Variants in BTF3L4 observed in about 807,000 individuals in gnomAD.
The protein encoded by BTF3L4 is transcription factor BTF3 homolog 4.
In BTF3L4, 6 loss-of-function variants were observed where a neutral mutation model predicts 16.8. The ratio of observed to expected loss-of-function variants is 0.36; its 90% CI spans 0.20 to 0.71. BTF3L4 has a LOEUF of 0.71. Ranked by LOEUF, BTF3L4 falls within the 30% of genes least tolerant of loss-of-function variation. The pLI, the probability that BTF3L4 is intolerant of heterozygous loss-of-function variation, is 0.58. For missense variants in BTF3L4, 92 were observed against 186.9 expected (o/e 0.49, Z 2.96); for synonymous variants, 39 against 59.8 (o/e 0.65, Z 1.60).
chr1:52,067,099 G>T (rs1686670410), intron 3 of BTF3L4, among the ~76,000 whole-genome samples: 1 of 152,080 alleles, frequency 6.6e-6, no homozygotes, highest in African/African-American at 2.4e-5. Flanking sequence ...AGCCAGGCAT[G>T]GTAGTGCGTG....
intron 4 of BTF3L4, 114 bp from the exon 5 acceptor site, chr1:52,085,998 T>G (rs555147525): frequency 1.8e-6 from 1 of 545,782 alleles, no homozygotes; most frequent in Admixed American, 3.9e-5. Flanking sequence ...TGACAATATT[T>G]AGCTATTTCT....
At chr1:52,071,328 G>A (rs1572025589) in intron 3 of BTF3L4, 1 of 152,180 alleles carries the variant, frequency 6.6e-6, no homozygotes, top group East Asian at 1.9e-4. Context: ...GTCTTTCCAG[G>A]TATAGTCAAC....
chr1:52,061,679 T>C (rs1039183522), intron 2 of BTF3L4, among the ~76,000 whole-genome samples: 31 of 139,388 alleles, frequency 2.2e-4, no homozygotes, highest in African/African-American at 7.1e-4. Context: ...TTGGTCTTGT[T>C]GCCCAGGCTG....
At chr1:52,061,324 A>C (rs1288957010) in intron 2 of BTF3L4, among the ~76,000 whole-genome samples, 1 of 151,926 alleles carries the variant, frequency 6.6e-6, no homozygotes, top group Non-Finnish European at 1.5e-5. Flanking sequence ...CCCTGTCTCC[A>C]CTAAAAGTAC....
intron 3 of BTF3L4, among the ~76,000 whole-genome samples, chr1:52,080,428 A>T (rs567197494): frequency 1.3e-5 from 2 of 150,178 alleles, no homozygotes; most frequent in South Asian, 4.2e-4. Context: ...ATTTCTTGTG[A>T]CTTTAATGTC....
chr1:52,066,343 C>G (rs905389247), intron 3 of BTF3L4, among the ~76,000 whole-genome samples: 1 of 151,246 alleles, frequency 6.6e-6, no homozygotes, highest in Non-Finnish European at 1.5e-5. Context: ...AGGCGCCCAC[C>G]ACCACACCCG....
At chr1:52,086,459 CAT>C (rs1221332840) in intron 5 of BTF3L4, 6 of 477,964 alleles carry the variant, frequency 1.3e-5, no homozygotes, top group Non-Finnish European at 1.8e-5. Context: ...TTATAATTGA[CAT>C]ATGAAAATGC....
At chr1:52,071,251 T>C (rs1008460410) in intron 3 of BTF3L4, 1 of 152,218 alleles carries the variant, frequency 6.6e-6, no homozygotes, top group Non-Finnish European at 1.5e-5. Context: ...TAGAGTTTTA[T>C]AATAATATTC....
In BTF3L4 at chr1:52,088,882, T is replaced by C. The variant is rs1643994961; in HGVS notation, c.*2124T>C. On this transcript the variant is annotated 3_prime_UTR_variant, in exon 6 of 6. Coordinates refer to ENST00000313334, the MANE Select transcript of BTF3L4 (RefSeq NM_152265.5). ...ACCTCCACCTCCCAGATTCAAGCGA[T>C]TCTCCTGTCTCAGCCTCCACAGTAG... The C allele has an allele frequency of 6.6e-6, 1 of 152,164 alleles. No homozygotes were observed. The highest frequency in any genetic ancestry group is 1.5e-5 in the Non-Finnish European group (1 of 68,088). The allele number at this position is 152,164 out of a possible 1,614,324, so 9.4% of individuals were successfully genotyped here. A position where few individuals can be genotyped will look rare whatever the true frequency, so the allele number is the denominator to read the frequency against.
chr1:52,076,916 A>G (rs972534816), intron 3 of BTF3L4, among the ~76,000 whole-genome samples: 2 of 152,200 alleles, frequency 1.3e-5, no homozygotes, highest in Non-Finnish European at 2.9e-5. Context: ...TTGTGTTTGT[A>G]ATCCCAGCAC....
intron 4 of BTF3L4, among the ~76,000 whole-genome samples, chr1:52,085,399 G>A (rs1461469819): frequency 6.6e-6 from 1 of 150,422 alleles, no homozygotes; most frequent in Non-Finnish European, 1.5e-5. Flanking sequence ...TTGAGACAGA[G>A]TCTGACTCTG....
intron 2 of BTF3L4, among the ~76,000 whole-genome samples, chr1:52,062,482 G>T (rs562695217): frequency 6.6e-6 from 1 of 152,252 alleles, no homozygotes; most frequent in South Asian, 2.1e-4. Context: ...TTACAGGTGT[G>T]AGCCACCGCG....
At chr1:52,083,592 CCTAA>C (rs1558010858) in intron 4 of BTF3L4, 51 bp downstream of exon 4, 2 of 1,423,230 alleles carry the variant, frequency 1.4e-6, no homozygotes, top group Non-Finnish European at 2.0e-6. Flanking sequence ...ACTTAAAGAA[CCTAA>C]TCATTTAAAA....
chr1:52,074,097 C>G (rs112287724), intron 3 of BTF3L4, among the ~76,000 whole-genome samples: 1 of 152,054 alleles, frequency 6.6e-6, no homozygotes, highest in African/African-American at 2.4e-5. Flanking sequence ...CCCAGGAGTT[C>G]TAGGCTGCAG....
At chr1:52,074,418 C>T (rs992360004) in intron 3 of BTF3L4, among the ~76,000 whole-genome samples, 10 of 150,882 alleles carry the variant, frequency 6.6e-5, no homozygotes, top group East Asian at 3.9e-4. Flanking sequence ...GGCTGGAGTG[C>T]GGTGGGGCAA....
intron 2 of BTF3L4, among the ~76,000 whole-genome samples, chr1:52,063,042 G>T (rs1431151027): frequency 1.3e-5 from 2 of 152,190 alleles, no homozygotes; most frequent in Admixed American, 6.5e-5. Context: ...CTGCTGTGCT[G>T]CCGTGTTCCT....
chr1:52,060,571 C>A, intron 2 of BTF3L4: 1 of 1,197,536 alleles, frequency 8.4e-7, no homozygotes, highest in Non-Finnish European at 1.1e-6. Context: ...TGGCACCAGG[C>A]TCAAGGAGAA....
At chr1:52,077,267 C>G (rs950518502) in intron 3 of BTF3L4, among the ~76,000 whole-genome samples, 1 of 152,210 alleles carries the variant, frequency 6.6e-6, no homozygotes, top group Non-Finnish European at 1.5e-5. Flanking sequence ...GCTGGCTGGG[C>G]GCGGTAGCTC....
chr1:52,084,725 A>G (rs1338035580), intron 4 of BTF3L4, among the ~76,000 whole-genome samples: 1 of 151,322 alleles, frequency 6.6e-6, no homozygotes, highest in Non-Finnish European at 1.5e-5. Flanking sequence ...CCAGGACTTC[A>G]AGTCTGCAGT....
Sources: allele counts gnomAD v4.1 joint callset (sites outside exome capture counted in the v4.1 genomes callset), GRCh38; gene constraint gnomAD v4.1.1; transcripts MANE v1.5; gene names NCBI Gene and HGNC (gene_info 2026-07-23, HGNC 2026-07-21).